Variants in SLCO5A1 observed in about 807,000 individuals in gnomAD.
SLCO5A1 encodes organic anion transporter polypeptide-related protein 4.
Under a neutral mutation model 65.1 loss-of-function variants are expected in SLCO5A1, and 39 were observed. That is an observed-to-expected ratio of 0.60 (90% CI 0.46 to 0.78). The LOEUF (loss-of-function observed/expected upper bound fraction) is 0.78. Ranked by LOEUF, SLCO5A1 falls within the 30% of genes least tolerant of loss-of-function variation. The probability of loss-of-function intolerance (pLI) is 0.00; values close to 1 mark genes in which losing one functional copy is unlikely to be tolerated. For synonymous variants in SLCO5A1, 438 were observed against 415.7 expected (o/e 1.05, Z -0.65); for missense variants, 1,029 against 1,069.4 (o/e 0.96, Z 0.53).
intron 3 of SLCO5A1, among the ~76,000 whole-genome samples, chr8:69,758,626 C>CA (rs1331248464): frequency 4.0e-5 from 6 of 151,808 alleles, no homozygotes; most frequent in Non-Finnish European, 8.8e-5. Flanking sequence ...AGCAAATAAA[C>CA]AAAAAAATAC....
At chr8:69,771,696 T>C (rs1402781466) in intron 2 of SLCO5A1, among the ~76,000 whole-genome samples, 1 of 152,196 alleles carries the variant, frequency 6.6e-6, no homozygotes, top group East Asian at 1.9e-4. Context: ...GAGGTCTCTG[T>C]CACTGCTGCC....
At chr8:69,759,166 G>T (rs1817651021) in intron 3 of SLCO5A1, among the ~76,000 whole-genome samples, 1 of 152,066 alleles carries the variant, frequency 6.6e-6, no homozygotes, top group African/African-American at 2.4e-5. Context: ...CTTTCAGCAT[G>T]TGCCCATTGA....
At chr8:69,710,104 C>T (rs558267556) in intron 5 of SLCO5A1, among the ~76,000 whole-genome samples, 4 of 147,560 alleles carry the variant, frequency 2.7e-5, no homozygotes, top group East Asian at 2.0e-4. Context: ...CAGAAACCTC[C>T]GCCTCCCAGG....
rs753222827 is a variant in SLCO5A1 at position 69,755,622 on chromosome 8, A to G, written c.1060T>C (p.Cys354Arg). 12 of 1,613,278 alleles carry G rather than the reference A, an allele frequency of 7.4e-6. No individual in the cohort carries two copies. The highest frequency in any genetic ancestry group is 1.3e-5 in the African/African-American group (1 of 74,864). Residue 354 changes from cysteine (C) to arginine (R), a missense_variant, in exon 4 of 10, where the codon TGT becomes CGT. Physicochemically the swap from Cys to Arg is radical, Grantham distance 180. Coordinates refer to ENST00000260126, the MANE Select transcript of SLCO5A1 (RefSeq NM_030958.3). The stretch of plus-strand genomic sequence containing the variant: ...ATCACAAGAAACATTGCAATGGCAC[A>G]AAGGAGGAATCCACTCCACCTAAAA... The part of the protein sequence containing the change: ...IGNWWSGFLL[C>R]AIAMFLVIFP...
chr8:69,820,774 C>T (rs531086191), intron 2 of SLCO5A1, among the ~76,000 whole-genome samples: 1 of 152,034 alleles, frequency 6.6e-6, no homozygotes, highest in South Asian at 2.1e-4. Context: ...TATATCTATG[C>T]ATATATTAAA....
At chr8:69,674,036 C>T (rs899858569) in intron 9 of SLCO5A1, among the ~76,000 whole-genome samples, 1 of 152,194 alleles carries the variant, frequency 6.6e-6, no homozygotes, top group African/African-American at 2.4e-5. Flanking sequence ...TACATAGACT[C>T]CTGTGTCACA....
intron 2 of SLCO5A1, chr8:69,794,096 G>A (rs528793861): frequency 1.0e-5 from 2 of 196,672 alleles, no homozygotes; most frequent in Admixed American, 6.1e-5. Flanking sequence ...TTCCCTGGCA[G>A]TCCTGGTGCT....
rs201658059 is a variant in SLCO5A1, at chr8:69,759,133, ATTCC to A, written c.1040+2606_1040+2609del. ...CACCCAATACATTTTAGCATTATTCATTCCTTCCTTCCTTCCTTCTCCCTTTCAG... is the reference window on the plus strand; with the variant it reads ...CACCCAATACATTTTAGCATTATTCATTCCTTCCTTCCTTCTCCCTTTCAG... On this transcript the variant is annotated intron_variant, in intron 3 of 9. Coordinates refer to ENST00000260126, the MANE Select transcript of SLCO5A1 (RefSeq NM_030958.3). Among the ~76,000 whole-genome samples the A allele has an allele frequency of 3.3e-5, 5 of 152,250 alleles. No individual in the cohort carries two copies. The East Asian group carries it at 7.7e-4, about 23-fold the overall frequency.
At chr8:69,738,403 C>A (rs888431599) in intron 4 of SLCO5A1, among the ~76,000 whole-genome samples, 199 bp from the exon 5 acceptor site, 1 of 149,598 alleles carries the variant, frequency 6.7e-6, no homozygotes, top group African/African-American at 2.5e-5. Context: ...TTTTAACTTT[C>A]AACCAGGATA....
chr8:69,741,094 G>A (rs1468837601), intron 4 of SLCO5A1, among the ~76,000 whole-genome samples: 3 of 152,104 alleles, frequency 2.0e-5, no homozygotes, highest in South Asian at 2.1e-4. Flanking sequence ...TTGTAAACTC[G>A]TGTCCTTTCC....
chr8:69,678,210 C>G (rs1017836859), intron 8 of SLCO5A1, among the ~76,000 whole-genome samples: 1 of 151,980 alleles, frequency 6.6e-6, no homozygotes, highest in African/African-American at 2.4e-5. Context: ...CCTTAAAGCA[C>G]GACAAAATAA....
chr8:69,810,402 C>A (rs1820164635), intron 2 of SLCO5A1, among the ~76,000 whole-genome samples: 1 of 152,120 alleles, frequency 6.6e-6, no homozygotes, highest in Non-Finnish European at 1.5e-5. Context: ...TTATCATAGC[C>A]TGAGGCCTAA....
chr8:69,673,456 AT>A (rs922779905), intron 9 of SLCO5A1, 130 bp from the exon 10 acceptor site: 29 of 720,168 alleles, frequency 4.0e-5, no homozygotes, highest in African/African-American at 2.1e-4. Context: ...GTGTTACCAG[AT>A]TTTTTTTAAG....
chr8:69,781,526 A>G (rs979321066), intron 2 of SLCO5A1, among the ~76,000 whole-genome samples: 9 of 152,216 alleles, frequency 5.9e-5, no homozygotes, highest in African/African-American at 2.2e-4. Context: ...TTACTATAAG[A>G]TAACATTGGG....
intron 2 of SLCO5A1, among the ~76,000 whole-genome samples, chr8:69,819,054 A>T (rs371971803): frequency 1.8e-4 from 28 of 152,292 alleles, no homozygotes; most frequent in African/African-American, 6.3e-4. Context: ...ACACATTGTA[A>T]ACAAGACAAG....
At chr8:69,701,594 A>T (rs1814738041) in intron 6 of SLCO5A1, among the ~76,000 whole-genome samples, 1 of 152,134 alleles carries the variant, frequency 6.6e-6, no homozygotes, top group Non-Finnish European at 1.5e-5. Flanking sequence ...CTTTAGATAA[A>T]CTCAACCAAT....
intron 2 of SLCO5A1, among the ~76,000 whole-genome samples, chr8:69,763,958 C>T (rs898582153): frequency 3.3e-5 from 5 of 152,022 alleles, no homozygotes; most frequent in Admixed American, 1.3e-4. Context: ...TCTGCTGCCC[C>T]GGTTCAAGCG....
At chr8:69,808,996 C>CG in intron 2 of SLCO5A1, among the ~76,000 whole-genome samples, 1 of 151,920 alleles carries the variant, frequency 6.6e-6, no homozygotes, top group East Asian at 1.9e-4. Flanking sequence ...CCCAGCTACT[C>CG]GGGAGGCTGA....
intron 2 of SLCO5A1, among the ~76,000 whole-genome samples, chr8:69,819,543 T>G (rs1291856554): frequency 6.6e-6 from 1 of 152,210 alleles, no homozygotes; most frequent in Non-Finnish European, 1.5e-5. Context: ...TATTTCTCAA[T>G]TAACTCAGAA....
Sources: allele counts gnomAD v4.1 joint callset (sites outside exome capture counted in the v4.1 genomes callset), GRCh38; gene constraint gnomAD v4.1.1; transcripts MANE v1.5; gene names NCBI Gene and HGNC (gene_info 2026-07-23, HGNC 2026-07-21).